The following GP6 variants were observed in gnomAD, a reference collection of about 807,000 sequenced individuals.
The protein encoded by GP6 is platelet glycoprotein VI.
GP6 carries 45 observed loss-of-function variants against 37.3 expected under a neutral mutation model. That is an observed-to-expected ratio of 1.21 (90% CI 0.95 to 1.55). The LOEUF is 1.55. Among genes scored for constraint, GP6 ranks in the 40% most tolerant of loss-of-function variants. The probability of loss-of-function intolerance (pLI) is 0.00; values close to 1 mark genes in which losing one functional copy is unlikely to be tolerated. For synonymous variants in GP6, 340 were observed against 316.4 expected (o/e 1.07, Z -0.79); for missense variants, 813 against 760.2 (o/e 1.07, Z -0.82).
intron 4 of GP6, among the ~76,000 whole-genome samples, chr19:55,026,218 C>G (rs2074297045): frequency 6.6e-6 from 1 of 152,162 alleles, no homozygotes; most frequent in Non-Finnish European, 1.5e-5. Flanking sequence ...TTTAATATGA[C>G]ATTGTTAAAT....
intron 6 of GP6, among the ~76,000 whole-genome samples, chr19:55,017,952 C>T (rs1252558836): frequency 6.6e-6 from 1 of 152,024 alleles, no homozygotes; most frequent in Non-Finnish European, 1.5e-5. Flanking sequence ...CCTATAATCC[C>T]AGCTACTCGG....
At position 55,015,004 on chromosome 19, in the gene GP6, G is replaced by A; in HGVS notation, c.941C>T (p.Pro314Leu). Residue 314 changes from proline (P) to leucine (L), a missense_variant, in exon 8 of 8, where the codon CCC (proline) becomes CTC (leucine). Coordinates refer to ENST00000310373, the MANE Select transcript of GP6 (RefSeq NM_001083899.2). ...GATTTCCGGGTCAGCGGGAGGGGCG[G>A]GAGGGGCGGAAGCGGCCTCTGCACA... 1.9e-6 allele frequency: 3 copies of A among 1,612,546 alleles called. No individual in the cohort carries two copies. The highest frequency in any genetic ancestry group is 2.5e-6 in the Non-Finnish European group (3 of 1,179,398).
chr19:55,025,354 T>C, intron 4 of GP6, 83 bp from the exon 5 acceptor site: 1 of 868,260 alleles, frequency 1.2e-6, no homozygotes, highest in Non-Finnish European at 1.9e-6. Context: ...GTGACTGAGT[T>C]TCCTCACCGG....
At chr19:55,021,489 G>A (rs1233251180) in intron 5 of GP6, among the ~76,000 whole-genome samples, 8 of 149,656 alleles carry the variant, frequency 5.3e-5, no homozygotes, top group East Asian at 1.9e-4. Context: ...CCACAGCCTC[G>A]CCAGCACCTG....
At chr19:55,018,831 A>T in intron 5 of GP6, 120 bp from the exon 6 acceptor site, 1 of 759,532 alleles carries the variant, frequency 1.3e-6, no homozygotes, top group South Asian at 1.4e-5. Flanking sequence ...CACTGCACAG[A>T]CACTGAAGAC....
Position 55,015,070 on chromosome 19 carries a change from A to T in GP6, c.875T>A (p.Leu292Gln), listed in dbSNP as rs773639794. 6.2e-7 allele frequency: 1 copy of T among 1,605,062 alleles called. No homozygotes were observed. Among genetic ancestry groups the T allele is most frequent in the Non-Finnish European group, 8.5e-7 (1 of 1,176,380 alleles). ...CGCAGGCGCTTCCTCCGGCTGTGCC[A>T]GTCCTCTGCCAGAAACCCCGCCAGG... Residue 292 changes from leucine (L) to glutamine (Q), a missense_variant, in exon 8 of 8, where the codon CTG (leucine) becomes CAG (glutamine). Physicochemically the swap from Leu to Gln is moderately radical, Grantham distance 113 (BLOSUM62 -2). Transcript: ENST00000310373.
intron 5 of GP6, among the ~76,000 whole-genome samples, chr19:55,022,772 G>C (rs1218530882): frequency 2.0e-5 from 3 of 152,112 alleles, no homozygotes; most frequent in Non-Finnish European, 4.4e-5. Flanking sequence ...GCTACAAAGA[G>C]AATAAAATAC....
intron 5 of GP6, 129 bp downstream of exon 5, chr19:55,025,089 T>A: frequency 1.4e-6 from 1 of 720,950 alleles, no homozygotes; most frequent in Non-Finnish European, 2.5e-6. Flanking sequence ...AAATAAAGGA[T>A]TTTTAAAACA....
chr19:55,024,263 CAT>C (rs1389113206), intron 5 of GP6, among the ~76,000 whole-genome samples: 1 of 126,082 alleles, frequency 7.9e-6, no homozygotes, highest in African/African-American at 2.7e-5. Flanking sequence ...CACACGCACA[CAT>C]ATGCACGCAT....
chr19:55,033,521 G>A (rs1360493188), intron 1 of GP6, among the ~76,000 whole-genome samples: 3 of 148,872 alleles, frequency 2.0e-5, no homozygotes, highest in Non-Finnish European at 3.0e-5. Context: ...CGGTGGGCTC[G>A]TTTGTGTTGT....
rs199807828 is a variant in GP6, at chr19:55,038,219, G to T, written c.18C>A (p.Thr6=). The T allele has an allele frequency of 1.3e-6, 2 of 1,591,612 alleles. No individual in the cohort carries two copies. Among genetic ancestry groups the T allele is most frequent in the Non-Finnish European group, 1.7e-6 (2 of 1,167,924 alleles). The change falls in exon 1 of 8, where the codon ACC becomes ACA. Residue 6 remains threonine (T), a synonymous_variant. Coordinates refer to ENST00000310373, the MANE Select transcript of GP6 (RefSeq NM_001083899.2). ...AGGACTCACCAAGACAGAAGAGGGC[G>T]GTCGGGGATGGAGACATGGTTCCTC...
At chr19:55,019,107 C>CTTTTTTTTTTTTTTT (rs538058206) in intron 5 of GP6, among the ~76,000 whole-genome samples, 1 of 132,878 alleles carries the variant, frequency 7.5e-6, no homozygotes, top group Non-Finnish European at 1.6e-5. Context: ...TCTTTTTTTT[C>CTTTTTTTTTTTTTTT]TTTTTTTTTT....
At chr19:55,016,375 C>CTTTT (rs35960763) in intron 6 of GP6, among the ~76,000 whole-genome samples, 1 of 108,750 alleles carries the variant, frequency 9.2e-6, no homozygotes. Context: ...TACGTGCCAG[C>CTTTT]TTTTTTTTTT....
intron 5 of GP6, among the ~76,000 whole-genome samples, chr19:55,024,309 T>TATGCACGCACACACAC (rs2074206457): frequency 5.4e-5 from 7 of 130,056 alleles, no homozygotes; most frequent in African/African-American, 2.1e-4. Flanking sequence ...TGCACACACA[T>TATGCACGCACACACAC]ATGCACGCAC....
At chr19:55,023,912 A>G (rs1045803624) in intron 5 of GP6, among the ~76,000 whole-genome samples, 1 of 151,842 alleles carries the variant, frequency 6.6e-6, no homozygotes, top group Non-Finnish European at 1.5e-5. Context: ...GAACAAATTA[A>G]TGGATACCAG....
chr19:55,027,827 C>CGGGCT lies in GP6; in HGVS notation c.356_360dup (p.Gly121SerfsTer12), dbSNP rs760074158. ...TCCCCTCCTGACGACACCGCCGGGC[C>CGGGCT]GGGCTGGGCTGAGAGCGAGGGTTTG... On this transcript the variant is annotated frameshift_variant, in exon 4 of 8. Coordinates refer to ENST00000310373, the MANE Select transcript of GP6 (RefSeq NM_001083899.2). LOFTEE classifies it high-confidence loss of function. 7 of 1,614,026 alleles carry CGGGCT rather than the reference C, an allele frequency of 4.3e-6. No homozygotes were observed. Among genetic ancestry groups the CGGGCT allele is most frequent in the African/African-American group, 4.0e-5 (3 of 74,916 alleles).
Position 55,015,688 on chromosome 19 carries a change from GGA to G in GP6, c.768_769del (p.Pro257SerfsTer3), listed in dbSNP as rs763180314. ...GGAGAGGATGACTTACTCACCAGCT[GGA>G]GAGTCTGACTCCTTTGGACTGGCGG... On this transcript the variant is annotated frameshift_variant, in exon 7 of 8. Coordinates refer to ENST00000310373, the MANE Select transcript of GP6 (RefSeq NM_001083899.2). LOFTEE classifies it low-confidence loss of function (END_TRUNC). The G allele has an allele frequency of 8.3e-6, 13 of 1,568,772 alleles. No homozygotes were observed. In the Admixed American group the frequency reaches 2.2e-4, roughly 26 times the overall value.
chr19:55,025,259 G>T lies in GP6; in HGVS notation c.623C>A (p.Thr208Asn). ...TGGTTCTGTTGGTAACCGGCTGGGGGTCACAGAGGTTCCTGGGAAATCAGA... is the reference window on the plus strand; with the variant it reads ...TGGTTCTGTTGGTAACCGGCTGGGGTTCACAGAGGTTCCTGGGAAATCAGA... Residue 208 changes from threonine (T) to asparagine (N), a missense_variant, in exon 5 of 8, where the codon ACC becomes AAC. Physicochemically the swap from Thr to Asn is moderately conservative, Grantham distance 65 (BLOSUM62 0). Transcript: ENST00000310373. 1 of 1,546,070 alleles carries T rather than the reference G, an allele frequency of 6.5e-7. No homozygotes were observed. Among genetic ancestry groups the T allele is most frequent in the Non-Finnish European group, 8.8e-7 (1 of 1,141,764 alleles).
intron 1 of GP6, chr19:55,032,861 CGGTGGGCTCGTTCGTGTT>C (rs2074622753): frequency 2.0e-5 from 10 of 504,188 alleles, no homozygotes; most frequent in Non-Finnish European, 3.2e-5. Flanking sequence ...GTGTTAGACA[CGGTGGGCTCGTTCGTGTT>C]AGACACGGTG....
Sources: allele counts gnomAD v4.1 joint callset (sites outside exome capture counted in the v4.1 genomes callset), GRCh38; gene constraint gnomAD v4.1.1; transcripts MANE v1.5; gene names NCBI Gene and HGNC (gene_info 2026-07-23, HGNC 2026-07-21).